Variants in CSRNP3 observed in about 807,000 individuals in gnomAD.
The protein encoded by CSRNP3 is cysteine and serine rich nuclear protein 3.
CSRNP3 carries 12 observed loss-of-function variants against 48.0 expected under a neutral mutation model. That is an observed-to-expected ratio of 0.25 (90% CI 0.16 to 0.41). The LOEUF (loss-of-function observed/expected upper bound fraction) is 0.41. Ranked by LOEUF, CSRNP3 falls within the 10% of genes least tolerant of loss-of-function variation. The probability of loss-of-function intolerance (pLI) is 1.00; values close to 1 mark genes in which losing one functional copy is unlikely to be tolerated. For missense variants in CSRNP3, 580 were observed against 724.4 expected, an observed-to-expected ratio of 0.80 and a Z score of 2.29; for synonymous variants, 263 against 269.7, an observed-to-expected ratio of 0.98 and a Z score of 0.24.
chr2:165,481,213 T>G (rs566748255), intron 1 of CSRNP3, among the ~76,000 whole-genome samples: 1 of 152,038 alleles, frequency 6.6e-6, no homozygotes, highest in Admixed American at 6.5e-5. Flanking sequence ...ACGTTAATAG[T>G]GGAGAAACTG....
chr2:165,537,020 A>C (rs1216123392), intron 3 of CSRNP3, among the ~76,000 whole-genome samples: 2 of 151,760 alleles, frequency 1.3e-5, no homozygotes, highest in African/African-American at 4.8e-5. Flanking sequence ...CAAACACTCA[A>C]ACAGGAAACT....
intron 1 of CSRNP3, among the ~76,000 whole-genome samples, chr2:165,477,887 G>T (rs1180312323): frequency 6.6e-6 from 1 of 152,020 alleles, no homozygotes; most frequent in African/African-American, 2.4e-5. Context: ...CAAGGCAGGA[G>T]AATTGCTTGA....
chr2:165,623,462 G>C (rs932432088), intron 4 of CSRNP3, among the ~76,000 whole-genome samples: 1 of 152,150 alleles, frequency 6.6e-6, no homozygotes, highest in Non-Finnish European at 1.5e-5. Context: ...CCAGTCCGTG[G>C]AAAAATTGTC....
rs1052852576 is a variant in CSRNP3, at chr2:165,681,048, T to C, written c.*1295T>C. 2 of 152,176 alleles carry C rather than the reference T, an allele frequency of 1.3e-5. No individual in the cohort carries two copies. The highest frequency in any genetic ancestry group is 4.8e-5 in the African/African-American group (2 of 41,446). 9.4% of individuals were successfully genotyped at this position (152,176 alleles called of 1,614,324 possible). ...AACTAGCAGAACAGTCCAGAATGCA[T>C]TGCATACTTTCTAATTACCTCACAT... On this transcript the variant is annotated 3_prime_UTR_variant, in exon 7 of 7. Coordinates refer to ENST00000651982, the MANE Select transcript of CSRNP3 (RefSeq NM_001172173.2).
chr2:165,665,586 C>A (rs1169719528), intron 5 of CSRNP3, among the ~76,000 whole-genome samples: 1 of 151,994 alleles, frequency 6.6e-6, no homozygotes, highest in African/African-American at 2.4e-5. Context: ...CATAGTGAGA[C>A]CCCTTCTCTA....
chr2:165,629,816 T>C (rs949029411), intron 4 of CSRNP3, among the ~76,000 whole-genome samples: 24 of 152,302 alleles, frequency 1.6e-4, no homozygotes, highest in Middle Eastern at 3.4e-3. Context: ...CTGCTTTTTT[T>C]CCCCTTTAAA....
chr2:165,595,331 A>G (rs745556384), intron 4 of CSRNP3, 118 bp downstream of exon 4: 234 of 934,078 alleles, frequency 2.5e-4, no homozygotes, highest in Non-Finnish European at 3.5e-4. Context: ...ACCAAATACA[A>G]AGAACACTTA....
chr2:165,639,372 G>A (rs564476267), intron 4 of CSRNP3, among the ~76,000 whole-genome samples: 281 of 152,284 alleles, frequency 1.8e-3, no homozygotes, highest in African/African-American at 6.6e-3. Flanking sequence ...GTTCTGCGAG[G>A]TCTGTGAATG....
rs111326453 is a variant in CSRNP3 at position 165,590,812 on chromosome 2, G to A, written c.-23-4231G>A. On this transcript the variant is annotated intron_variant, in intron 3 of 6. Transcript: ENST00000651982. Reference sequence around the variant, plus strand: ...CCTACCCAGCCATGTGGAACTGTGAGTCAATTAAACCTCTTTTCTTTATAA... The same window carrying A: ...CCTACCCAGCCATGTGGAACTGTGAATCAATTAAACCTCTTTTCTTTATAA... Among the ~76,000 whole-genome samples, 349 of 152,316 alleles carry A rather than the reference G, an allele frequency of 2.3e-3. 2 individuals carry two copies. Among genetic ancestry groups the A allele is most frequent in the African/African-American group, 8.0e-3 (333 of 41,564 alleles).
chr2:165,527,526 T>G (rs1684753259), intron 3 of CSRNP3, among the ~76,000 whole-genome samples: 1 of 152,058 alleles, frequency 6.6e-6, no homozygotes, highest in Non-Finnish European at 1.5e-5. Flanking sequence ...TCTTAAATGA[T>G]GTATGTGCAT....
Position 165,518,700 on chromosome 2 carries a change from C to G in CSRNP3, c.-24+739C>G, listed in dbSNP as rs142640506. 5.4e-3 allele frequency among the ~76,000 whole-genome samples: 819 copies of G among 151,954 alleles called. 3 individuals are homozygous for G. Among genetic ancestry groups the G allele is most frequent in the Non-Finnish European group, 7.3e-3 (497 of 67,828 alleles). On this transcript the variant is annotated intron_variant, in intron 3 of 6. Transcript: ENST00000651982. ...TTTATATTGTGGGACCCAATATCAA[C>G]TATTCATAATTTTAAATGAAAAAAA...
At chr2:165,564,957 A>G (rs1253746836) in intron 3 of CSRNP3, among the ~76,000 whole-genome samples, 3 of 152,086 alleles carry the variant, frequency 2.0e-5, no homozygotes, top group Non-Finnish European at 4.4e-5. Flanking sequence ...GCAAATAAAT[A>G]TTGTATAAAT....
chr2:165,581,024 C>T (rs1312497777), intron 3 of CSRNP3, among the ~76,000 whole-genome samples: 3 of 152,134 alleles, frequency 2.0e-5, no homozygotes, highest in Non-Finnish European at 2.9e-5. Context: ...ACACTAGGCA[C>T]TTGATCAAAT....
chr2:165,657,409 T>C (rs750761849), intron 4 of CSRNP3, among the ~76,000 whole-genome samples: 20 of 152,156 alleles, frequency 1.3e-4, no homozygotes, highest in Admixed American at 7.9e-4. Flanking sequence ...ATTTCAGGCA[T>C]CCACAGGAAG....
intron 2 of CSRNP3, among the ~76,000 whole-genome samples, chr2:165,512,135 G>T (rs1007761094): frequency 5.9e-5 from 9 of 152,118 alleles, no homozygotes; most frequent in Non-Finnish European, 1.3e-4. Flanking sequence ...GTAATGTGGA[G>T]ACCTATGTTA....
chr2:165,509,761 TAAAC>T (rs961421206), intron 2 of CSRNP3, among the ~76,000 whole-genome samples: 13 of 152,306 alleles, frequency 8.5e-5, no homozygotes, highest in Admixed American at 8.5e-4. Context: ...ATCATGCTAT[TAAAC>T]AAGGTACAGA....
intron 4 of CSRNP3, among the ~76,000 whole-genome samples, chr2:165,597,000 C>A (rs75570423): frequency 0.013 from 1,990 of 152,208 alleles, 20 homozygotes; most frequent in Middle Eastern, 0.034. Context: ...AGAGGCTAAG[C>A]GTCTGGCAAA....
At chr2:165,611,398 T>C (rs1686134782) in intron 4 of CSRNP3, among the ~76,000 whole-genome samples, 1 of 151,740 alleles carries the variant, frequency 6.6e-6, no homozygotes, top group African/African-American at 2.4e-5. Context: ...TACATATATA[T>C]ATGTATATAC....
intron 2 of CSRNP3, among the ~76,000 whole-genome samples, chr2:165,502,687 G>A (rs1322607657): frequency 6.6e-6 from 1 of 151,454 alleles, no homozygotes; most frequent in Non-Finnish European, 1.5e-5. Context: ...TTTTCTCTCT[G>A]TCTGTCTTCT....
Sources: allele counts gnomAD v4.1 joint callset (sites outside exome capture counted in the v4.1 genomes callset), GRCh38; gene constraint gnomAD v4.1.1; transcripts MANE v1.5; gene names NCBI Gene and HGNC (gene_info 2026-07-23, HGNC 2026-07-21).